Variants in DOCK3 observed in about 807,000 individuals in gnomAD.
DOCK3 encodes dedicator of cytokinesis protein 3.
Under a neutral mutation model 265.6 loss-of-function variants are expected in DOCK3, and 60 were observed. The observed-to-expected ratio is 0.23, with a 90% CI of 0.18 to 0.28. The LOEUF is 0.28. Ranked by LOEUF, DOCK3 falls within the 10% of genes least tolerant of loss-of-function variation. The pLI is 1.00. For synonymous variants in DOCK3, 881 were observed against 938.0 expected, an observed-to-expected ratio of 0.94 and a Z score of 1.11; for missense variants, 1,981 against 2,594.3, an observed-to-expected ratio of 0.76 and a Z score of 5.14.
intron 5 of DOCK3, among the ~76,000 whole-genome samples, chr3:50,943,910 A>G (rs866117170): frequency 3.3e-4 from 50 of 152,158 alleles, no homozygotes; most frequent in Admixed American, 1.3e-4. Flanking sequence ...CTATAAATGG[A>G]TGTTATAAAC....
chr3:51,270,046 A>G (rs2108867404), intron 23 of DOCK3, among the ~76,000 whole-genome samples: 1 of 152,264 alleles, frequency 6.6e-6, no homozygotes, highest in East Asian at 1.9e-4. Context: ...CTGTTCTATT[A>G]TCAGATTGTT....
intron 4 of DOCK3, among the ~76,000 whole-genome samples, chr3:50,928,746 T>C (rs1234445390): frequency 2.0e-5 from 3 of 152,214 alleles, no homozygotes; most frequent in Non-Finnish European, 4.4e-5. Flanking sequence ...ATAAAATTAA[T>C]TTTATCTGAA....
At position 51,297,117 on chromosome 3, in the gene DOCK3, C is replaced by CAAAAAA. The variant is rs71633066; in HGVS notation, c.2923-13097_2923-13092dup. Among the ~76,000 whole-genome samples, 298 of 65,900 alleles carry CAAAAAA rather than the reference C, an allele frequency of 4.5e-3. 26 individuals carry two copies. Among genetic ancestry groups the CAAAAAA allele is most frequent in the African/African-American group, 0.018 (263 of 14,602 alleles). The allele number at this position is 65,900 out of a possible 152,430, so 43.2% of individuals were successfully genotyped here. The stretch of plus-strand genomic sequence containing the variant: ...TGGGGGATAGAGTGAGACTCTGTCT[C>CAAAAAA]AAAAAAAAAAAAAAAAAAAAAAATC... On this transcript the variant is annotated intron_variant, in intron 27 of 52. Transcript: ENST00000266037.
At chr3:51,344,473 A>G (rs1053726590) in intron 38 of DOCK3, among the ~76,000 whole-genome samples, 11 of 152,168 alleles carry the variant, frequency 7.2e-5, no homozygotes, top group African/African-American at 2.7e-4. Flanking sequence ...TACAAACATT[A>G]GCTGGGTGTG....
intron 5 of DOCK3, among the ~76,000 whole-genome samples, chr3:50,958,195 A>G (rs751947329): frequency 6.6e-6 from 1 of 152,108 alleles, no homozygotes; most frequent in Non-Finnish European, 1.5e-5. Context: ...TTCTTTTATT[A>G]TGTTATTCCT....
chr3:51,149,654 G>A (rs2085480769), intron 10 of DOCK3, among the ~76,000 whole-genome samples: 1 of 152,150 alleles, frequency 6.6e-6, no homozygotes, highest in African/African-American at 2.4e-5. Flanking sequence ...ATTGATTTGT[G>A]TATGTTGAAC....
At chr3:50,699,027 C>T (rs184571117) in intron 1 of DOCK3, among the ~76,000 whole-genome samples, 6 of 152,218 alleles carry the variant, frequency 3.9e-5, no homozygotes, top group South Asian at 2.1e-4. Context: ...GTGCCGTTGG[C>T]GTATCAAGGA....
At chr3:51,154,366 T>G (rs963202574) in intron 10 of DOCK3, among the ~76,000 whole-genome samples, 10 of 152,206 alleles carry the variant, frequency 6.6e-5, no homozygotes, top group African/African-American at 2.4e-4. Context: ...TGATGGCGGT[T>G]AAGGGAGTTA....
At chr3:51,048,075 C>G (rs1401333807) in intron 5 of DOCK3, among the ~76,000 whole-genome samples, 1 of 151,806 alleles carries the variant, frequency 6.6e-6, no homozygotes, top group East Asian at 1.9e-4. Context: ...TCAACATATA[C>G]AAATTAATTG....
intron 1 of DOCK3, among the ~76,000 whole-genome samples, chr3:50,768,167 T>G (rs1009403766): frequency 6.6e-6 from 1 of 152,156 alleles, no homozygotes; most frequent in Non-Finnish European, 1.5e-5. Context: ...ATAGGAGTGG[T>G]GAGAGAGGGC....
At chr3:50,881,472 G>C (rs1019788767) in intron 3 of DOCK3, among the ~76,000 whole-genome samples, 1 of 152,122 alleles carries the variant, frequency 6.6e-6, no homozygotes, top group Non-Finnish European at 1.5e-5. Context: ...CTGTACACCA[G>C]TAACAGACAG....
At chr3:51,225,202 AAAAG>A (rs2090277458) in intron 14 of DOCK3, among the ~76,000 whole-genome samples, 2 of 152,356 alleles carry the variant, frequency 1.3e-5, no homozygotes, top group South Asian at 2.1e-4. Flanking sequence ...GGGGATTACA[AAAAG>A]AAAGCATATA....
intron 14 of DOCK3, among the ~76,000 whole-genome samples, chr3:51,224,226 A>G (rs778764669): frequency 6.6e-6 from 1 of 152,242 alleles, no homozygotes; most frequent in Non-Finnish European, 1.5e-5. Context: ...AACTTTTCTT[A>G]CCCACTTTAG....
chr3:50,709,561 C>T (rs1379149467), intron 1 of DOCK3, among the ~76,000 whole-genome samples: 1 of 152,002 alleles, frequency 6.6e-6, no homozygotes, highest in Non-Finnish European at 1.5e-5. Context: ...CATGGTGGCT[C>T]ATGCTTGTAA....
chr3:50,874,693 T>C (rs2047614940), intron 3 of DOCK3, among the ~76,000 whole-genome samples: 2 of 152,188 alleles, frequency 1.3e-5, no homozygotes, highest in Admixed American at 1.3e-4. Context: ...CTAAGTATTT[T>C]ATTTTATTTT....
chr3:51,131,630 G>A (rs1411513777), intron 9 of DOCK3, among the ~76,000 whole-genome samples: 1 of 152,098 alleles, frequency 6.6e-6, no homozygotes, highest in Non-Finnish European at 1.5e-5. Flanking sequence ...TAGGAATGCA[G>A]TAGGCTTCCT....
chr3:51,221,192 C>G (rs1182567674), intron 14 of DOCK3, among the ~76,000 whole-genome samples: 1 of 152,182 alleles, frequency 6.6e-6, no homozygotes, highest in Non-Finnish European at 1.5e-5. Flanking sequence ...ATAAGCACCT[C>G]TGAGTATTCC....
At chr3:50,715,832 G>A (rs562158076) in intron 1 of DOCK3, among the ~76,000 whole-genome samples, 43 of 152,198 alleles carry the variant, frequency 2.8e-4, no homozygotes, top group Admixed American at 1.0e-3. Context: ...GGCATTAGGA[G>A]CCATTCATGT....
At chr3:50,964,500 T>C (rs917211062) in intron 5 of DOCK3, among the ~76,000 whole-genome samples, 1 of 152,008 alleles carries the variant, frequency 6.6e-6, no homozygotes, top group Non-Finnish European at 1.5e-5. Context: ...CTGAATGAGA[T>C]CAATGGCAGA....
Sources: allele counts gnomAD v4.1 joint callset (sites outside exome capture counted in the v4.1 genomes callset), GRCh38; gene constraint gnomAD v4.1.1; transcripts MANE v1.5; gene names NCBI Gene and HGNC (gene_info 2026-07-23, HGNC 2026-07-21).